IL17RC: variants seen among roughly 807,000 people sequenced by gnomAD.
The protein encoded by IL17RC is interleukin 17 receptor C, also known as interleukin-17 receptor C.
In IL17RC, 53 loss-of-function variants were observed where a neutral mutation model predicts 86.7. The ratio of observed to expected loss-of-function variants is 0.61; its 90% CI spans 0.49 to 0.77. The LOEUF (loss-of-function observed/expected upper bound fraction) is 0.77. Among genes scored for constraint, IL17RC ranks in the 30% least tolerant of loss-of-function variants. The pLI is 0.00. For synonymous variants in IL17RC, 439 were observed against 413.1 expected (o/e 1.06, Z -0.76); for missense variants, 957 against 940.0 (o/e 1.02, Z -0.24).
chr3:9,929,964 G>A lies in IL17RC; in HGVS notation c.1157-64G>A, dbSNP rs372572787. 4.5e-5 allele frequency: 73 copies of A among 1,613,700 alleles called. No individual in the cohort carries two copies. The African/African-American group carries it at 8.7e-4, about 19-fold the overall frequency. On this transcript the variant is annotated intron_variant, in intron 13 of 18. Coordinates refer to ENST00000403601, the MANE Select transcript of IL17RC (RefSeq NM_153460.4). ...AGGGGTGAAGGTCAGGGCATGGGAG[G>A]CAGGCAAGTGGCCAATCCCAGCAAG...
intron 1 of IL17RC, 55 bp downstream of exon 1, chr3:9,917,475 C>G: frequency 1.2e-6 from 2 of 1,614,222 alleles, no homozygotes; most frequent in African/African-American, 2.7e-5. Context: ...GTTTTTGGCT[C>G]AGCAAAGCCT....
At position 9,924,015 on chromosome 3, in the gene IL17RC, A is replaced by C. The variant is rs768507483; in HGVS notation, c.757A>C (p.Asn253His). The change falls in exon 8 of 19, where the codon AAC becomes CAC. Residue 253 changes from asparagine to histidine, a missense_variant. Transcript: ENST00000403601. ...QGPPKPRWHK[N>H]LTGPQIITLN... ...CCCCCCAAAACCCCGGTGGCACAAA[A>C]ACCTGGTGAGGCCTCCCCCTTCCCA... The C allele has an allele frequency of 6.2e-7, 1 of 1,613,658 alleles. No homozygotes were observed. Among genetic ancestry groups the C allele is most frequent in the Admixed American group, 1.7e-5 (1 of 60,012 alleles).
chr3:9,927,259 G>T (rs932732188), intron 9 of IL17RC, among the ~76,000 whole-genome samples: 1 of 152,116 alleles, frequency 6.6e-6, no homozygotes, highest in African/African-American at 2.4e-5. Flanking sequence ...ATTGTGGAAT[G>T]AATTAAAATT....
chr3:9,917,591 T>C (rs1387368917), intron 1 of IL17RC, 122 bp from the exon 2 acceptor site: 1 of 1,614,132 alleles, frequency 6.2e-7, no homozygotes, highest in South Asian at 1.1e-5. Flanking sequence ...GCTGGGTCTG[T>C]CTTTCTCTGG....
intron 4 of IL17RC, 36 bp from the exon 5 acceptor site, chr3:9,918,464 C>A: frequency 6.2e-7 from 1 of 1,610,030 alleles, no homozygotes; most frequent in Non-Finnish European, 8.5e-7. Context: ...GCCTGCCGCT[C>A]CTGGGCCTGA....
chr3:9,932,872 A>G lies in IL17RC; in HGVS notation c.1522+14A>G. 1 of 1,583,550 alleles carries G rather than the reference A, an allele frequency of 6.3e-7. No individual in the cohort carries two copies. Among genetic ancestry groups the G allele is most frequent in the South Asian group, 1.2e-5 (1 of 86,340 alleles). On this transcript the variant is annotated intron_variant, in intron 18 of 18. Coordinates refer to ENST00000403601, the MANE Select transcript of IL17RC (RefSeq NM_153460.4). ...TCCGCTCGGGGGGTGAGTGGGAGCAAGCGCTGGGCGGAGGGCCGCCCCCGG... is the reference window on the plus strand; with the variant it reads ...TCCGCTCGGGGGGTGAGTGGGAGCAGGCGCTGGGCGGAGGGCCGCCCCCGG...
chr3:9,933,335 C>T lies in IL17RC; in HGVS notation c.1905C>T (p.Asp635=). The change falls in exon 19 of 19, where the codon GAC becomes GAT. Residue 635 remains aspartate (D), a synonymous_variant. Coordinates refer to ENST00000403601, the MANE Select transcript of IL17RC (RefSeq NM_153460.4). Reference sequence around the variant, plus strand: ...GCAGCTACGTGGGGGCCTGCTTCGACAGGCTGCTCCACCCGGACGCCGTAC... The same window carrying T: ...GCAGCTACGTGGGGGCCTGCTTCGATAGGCTGCTCCACCCGGACGCCGTAC... ...APGSYVGACF[D]RLLHPDAVPA... 1 of 1,609,824 alleles carries T rather than the reference C, an allele frequency of 6.2e-7. No homozygotes were observed. Among genetic ancestry groups the T allele is most frequent in the Non-Finnish European group, 8.5e-7 (1 of 1,178,360 alleles).
chr3:9,926,971 G>C (rs1458864860), intron 9 of IL17RC, among the ~76,000 whole-genome samples: 1 of 152,168 alleles, frequency 6.6e-6, no homozygotes, highest in Non-Finnish European at 1.5e-5. Context: ...TGTTGAATGA[G>C]TGAATAAATG....
In IL17RC at chr3:9,928,441, C is replaced by T; in HGVS notation, c.1014C>T (p.Cys338=). 1 of 1,607,818 alleles carries T rather than the reference C, an allele frequency of 6.2e-7. No individual in the cohort carries two copies. The highest frequency in any genetic ancestry group is 1.7e-5 in the Admixed American group (1 of 59,488). ...LCWRAPGGDP[C]QPLVPPLSWE... is the part of the protein sequence containing the mutation. ...GGCGGGCTCCGGGTGGGGACCCCTG[C>T]CAGCCACTGGTCCCACCGCTTTCCT... The change falls in exon 11 of 19, where the codon TGC becomes TGT. Residue 338 remains cysteine, a synonymous_variant. Coordinates refer to ENST00000403601, the MANE Select transcript of IL17RC (RefSeq NM_153460.4).
chr3:9,928,070 G>A, intron 9 of IL17RC, 96 bp from the exon 10 acceptor site: 2 of 1,186,632 alleles, frequency 1.7e-6, no homozygotes, highest in Non-Finnish European at 2.5e-6. Context: ...AAGTGTTTGT[G>A]AAATACCTGC....
chr3:9,928,138 C>T lies in IL17RC; in HGVS notation c.823-28C>T, dbSNP rs369426847. On this transcript the variant is annotated intron_variant, in intron 9 of 18. Transcript: ENST00000403601. ...GCCAGGCACATGCCCATGGAGGGGA[C>T]CTGAGCAGACCCCCATTTCCTTTCC... is the stretch of plus-strand genomic sequence containing the variant. The T allele has an allele frequency of 1.2e-5, 19 of 1,611,092 alleles. No homozygotes were observed. In the African/African-American group the frequency reaches 2.4e-4, roughly 20 times the overall value.
chr3:9,929,939 A>G, intron 13 of IL17RC, 42 bp downstream of exon 13: 3 of 1,613,706 alleles, frequency 1.9e-6, no homozygotes, highest in South Asian at 1.1e-5. Flanking sequence ...GCCACCTCCT[A>G]GGGGTGAAGG....
chr3:9,933,568 G>C lies in IL17RC; in HGVS notation c.2138G>C (p.Gly713Ala), dbSNP rs1423992867. The change falls in exon 19 of 19, where the codon GGA (glycine) becomes GCA (alanine). Residue 713 changes from glycine (G) to alanine (A), a missense_variant. By Grantham distance (60) the Gly-to-Ala change is moderately conservative. Transcript: ENST00000403601. ...GGACGCGGGGTGGGACCAGGCGCGG[G>C]ACCTGGGGCGGGGGACGGGACTTAA... is the stretch of plus-strand genomic sequence containing the variant. Reference protein sequence around the residue: ...APGRGVGPGAGPGAGDGT With the variant: ...APGRGVGPGAAPGAGDGT 6.2e-7 allele frequency: 1 copy of C among 1,601,670 alleles called. No homozygotes were observed. The highest frequency in any genetic ancestry group is 1.3e-5 in the African/African-American group (1 of 74,778).
At position 9,933,355 on chromosome 3, in the gene IL17RC, C is replaced by T. The variant is rs1261238907; in HGVS notation, c.1925C>T (p.Ala642Val). The T allele has an allele frequency of 6.2e-7, 1 of 1,611,536 alleles. No individual in the cohort carries two copies. The highest frequency in any genetic ancestry group is 1.7e-5 in the Admixed American group (1 of 59,860). The change falls in exon 19 of 19, where the codon GCC becomes GTC. Residue 642 changes from alanine (A) to valine (V), a missense_variant. Coordinates refer to ENST00000403601, the MANE Select transcript of IL17RC (RefSeq NM_153460.4). ...TTCGACAGGCTGCTCCACCCGGACG[C>T]CGTACCCGCCCTTTTCCGCACCGTG... ...ACFDRLLHPD[A>V]VPALFRTVPV... is the part of the protein sequence containing the mutation.
rs11719981 is a variant in IL17RC, at chr3:9,928,404, C to T, written c.977C>T (p.Ala326Val). ...GCACCGTGCTCGCTGCCCGCAGAAGCGGCACTGTGCTGGCGGGCTCCGGGT... is the reference window on the plus strand; with the variant it reads ...GCACCGTGCTCGCTGCCCGCAGAAGTGGCACTGTGCTGGCGGGCTCCGGGT... ...LDAPCSLPAE[A>V]ALCWRAPGGD... is the part of the protein sequence containing the mutation. Residue 326 changes from alanine (A) to valine (V), a missense_variant, in exon 11 of 19, where the codon GCG (alanine) becomes GTG (valine). Coordinates refer to ENST00000403601, the MANE Select transcript of IL17RC (RefSeq NM_153460.4). 3,435 of 1,604,918 alleles carry T rather than the reference C, an allele frequency of 2.1e-3. 8 individuals are homozygous for T. Among genetic ancestry groups the T allele is most frequent in the Non-Finnish European group, 2.5e-3 (2,970 of 1,176,982 alleles).
Position 9,920,938 on chromosome 3 carries a change from C to G in IL17RC, c.591C>G (p.Leu197=). ...ATCTCTCCTCAGACTGCAGGGGGCTCGAAGTCTGGAACAGCATCCCGAGCT... is the reference window on the plus strand; with the variant it reads ...ATCTCTCCTCAGACTGCAGGGGGCTGGAAGTCTGGAACAGCATCCCGAGCT... ...HTQQLPDCRG[L]EVWNSIPSCW... is the part of the protein sequence containing the mutation. Residue 197 remains leucine, a synonymous_variant, in exon 7 of 19, where the codon CTC becomes CTG. Coordinates refer to ENST00000403601, the MANE Select transcript of IL17RC (RefSeq NM_153460.4). The G allele has an allele frequency of 2.5e-6, 4 of 1,605,288 alleles. No individual in the cohort carries two copies. The highest frequency in any genetic ancestry group is 3.4e-6 in the Non-Finnish European group (4 of 1,177,248).
chr3:9,932,245 TGA>T (rs1311514696), intron 16 of IL17RC, among the ~76,000 whole-genome samples: 4 of 152,084 alleles, frequency 2.6e-5, no homozygotes, highest in African/African-American at 7.2e-5. Flanking sequence ...TGTTTTGTTT[TGA>T]GAGGAGTCTC....
chr3:9,922,811 A>G (rs1176825460), intron 7 of IL17RC, among the ~76,000 whole-genome samples: 1 of 152,104 alleles, frequency 6.6e-6, no homozygotes, highest in Non-Finnish European at 1.5e-5. Flanking sequence ...GAGGAGCCAT[A>G]TATTTGAGGG....
intron 16 of IL17RC, among the ~76,000 whole-genome samples, chr3:9,931,466 C>CATATATATAT (rs1466191337): frequency 4.0e-3 from 62 of 15,560 alleles, no homozygotes; most frequent in Admixed American, 0.018. Context: ...CACACACACA[C>CATATATATAT]ACACATATAT....
Sources: gnomAD v4.1 joint callset for allele counts (sites outside exome capture counted in the v4.1 genomes callset) on GRCh38, gnomAD v4.1.1 for gene constraint, MANE v1.5 for transcripts, NCBI Gene and HGNC (gene_info 2026-07-23, HGNC 2026-07-21) for gene names.